PHACTR3: variants seen among roughly 807,000 people sequenced by gnomAD.
The protein encoded by PHACTR3 is protein phosphatase 1, regulatory subunit 123.
In PHACTR3, 16 loss-of-function variants were observed where a neutral mutation model predicts 66.8. The observed-to-expected ratio is 0.24, with a 90% CI of 0.16 to 0.36. The LOEUF is 0.36. Among genes scored for constraint, PHACTR3 ranks in the 10% least tolerant of loss-of-function variants. PHACTR3 has a pLI of 1.00. For synonymous variants in PHACTR3, 323 were observed against 292.1 expected, an observed-to-expected ratio of 1.11 and a Z score of -1.08; for missense variants, 647 against 719.9, an observed-to-expected ratio of 0.90 and a Z score of 1.16.
At chr20:59,704,686 C>G (rs574014587) in intron 1 of PHACTR3, among the ~76,000 whole-genome samples, 1 of 146,880 alleles carries the variant, frequency 6.8e-6, no homozygotes, top group South Asian at 2.1e-4. Context: ...TCTGCCATGT[C>G]TTCATGTTAA....
chr20:59,663,866 C>T lies in PHACTR3; in HGVS notation c.118+58734C>T, dbSNP rs537125199. Among the ~76,000 whole-genome samples, 439 of 152,312 alleles carry T rather than the reference C, an allele frequency of 2.9e-3. 3 individuals carry two copies. The highest frequency in any genetic ancestry group is 0.027 in the Middle Eastern group (8 of 294). ...TGGTTGCACGTGCTTGGCAAAGAAC[C>T]AGTCTGTTTAGCTTGCTTGTTTATT... On this transcript the variant is annotated intron_variant, in intron 1 of 12. Transcript: ENST00000371015.
At chr20:59,793,619 G>GTT (rs2041166268) in intron 7 of PHACTR3, among the ~76,000 whole-genome samples, 1 of 152,116 alleles carries the variant, frequency 6.6e-6, no homozygotes, top group African/African-American at 2.4e-5. Flanking sequence ...ATTTTTGTAT[G>GTT]TTGATTTTTG....
chr20:59,609,569 C>G (rs973059998), intron 1 of PHACTR3, among the ~76,000 whole-genome samples: 9 of 151,530 alleles, frequency 5.9e-5, no homozygotes, highest in South Asian at 2.1e-4. Context: ...TTCCTCTTAC[C>G]GGTTTTCCTG....
Position 59,806,096 on chromosome 20 carries a change from G to A in PHACTR3, c.1230G>A (p.Arg410=), listed in dbSNP as rs138663378. ...TCCTGGCCGTGAAGCTAAGGAACCG[G>A]CCAAGCAAACAGGAACTAGAAGACC... is the stretch of plus-strand genomic sequence containing the variant. The part of the protein sequence containing the change: ...KELLAVKLRN[R]PSKQELEDRN... Residue 410 remains arginine, a synonymous_variant, in exon 8 of 13, where the codon CGG becomes CGA. Coordinates refer to ENST00000371015, the MANE Select transcript of PHACTR3 (RefSeq NM_080672.5). The A allele has an allele frequency of 2.5e-6, 4 of 1,614,234 alleles. No homozygotes were observed. Among genetic ancestry groups the A allele is most frequent in the Non-Finnish European group, 3.4e-6 (4 of 1,180,034 alleles).
intron 1 of PHACTR3, among the ~76,000 whole-genome samples, chr20:59,618,918 G>A (rs2034133393): frequency 6.6e-6 from 1 of 152,194 alleles, no homozygotes. Flanking sequence ...AGATTGCCTG[G>A]GGTGCCCTAG....
At chr20:59,801,331 C>CT (rs2041408586) in intron 7 of PHACTR3, among the ~76,000 whole-genome samples, 1 of 152,348 alleles carries the variant, frequency 6.6e-6, no homozygotes, top group South Asian at 2.1e-4. Context: ...TCTTCTGTTG[C>CT]TGATTTCTAG....
intron 1 of PHACTR3, among the ~76,000 whole-genome samples, chr20:59,634,662 C>G (rs1320663453): frequency 2.0e-5 from 3 of 152,178 alleles, no homozygotes; most frequent in African/African-American, 7.2e-5. Context: ...TGCTCCCTGC[C>G]CTCAAGGCAG....
chr20:59,633,202 G>A (rs1013353670), intron 1 of PHACTR3, among the ~76,000 whole-genome samples: 5 of 152,300 alleles, frequency 3.3e-5, no homozygotes, highest in Admixed American at 6.5e-5. Flanking sequence ...ATATGCATAC[G>A]TGTGTTTATT....
At chr20:59,740,333 G>A (rs1013522760) in intron 1 of PHACTR3, among the ~76,000 whole-genome samples, 2 of 151,898 alleles carry the variant, frequency 1.3e-5, no homozygotes, top group Non-Finnish European at 2.9e-5. Flanking sequence ...TTAGAGACAG[G>A]GTCTCTCTCT....
At chr20:59,645,117 A>G (rs940017316) in intron 1 of PHACTR3, among the ~76,000 whole-genome samples, 1 of 150,670 alleles carries the variant, frequency 6.6e-6, no homozygotes, top group Non-Finnish European at 1.5e-5. Flanking sequence ...AATAGGCAGT[A>G]TTTGGTTTTC....
chr20:59,789,266 C>T (rs1487238443), intron 7 of PHACTR3, among the ~76,000 whole-genome samples: 1 of 152,020 alleles, frequency 6.6e-6, no homozygotes, highest in Non-Finnish European at 1.5e-5. Flanking sequence ...GGAGTCTGGG[C>T]TACTGAAACA....
chr20:59,603,102 TG>T (rs2033527405), upstream of PHACTR3, among the ~76,000 whole-genome samples: 1 of 152,240 alleles, frequency 6.6e-6, no homozygotes, highest in South Asian at 2.1e-4. Flanking sequence ...CATTTTTATG[TG>T]GATAAAACGT....
intron 7 of PHACTR3, among the ~76,000 whole-genome samples, chr20:59,800,643 T>C (rs1202625136): frequency 2.0e-5 from 3 of 152,208 alleles, no homozygotes; most frequent in Non-Finnish European, 4.4e-5. Context: ...CAGTTTTCTT[T>C]ATGTTTCATG....
rs555014538 is a variant in PHACTR3, at chr20:59,824,010, G to A, written c.1329-12495G>A. ...AACAGGGAGGCCACGAAGTCAGCAC[G>A]GGATGCCCAGCATGGCTGGAGCCAC... is the stretch of plus-strand genomic sequence containing the variant. On this transcript the variant is annotated intron_variant, in intron 8 of 12. Transcript: ENST00000371015. Among the ~76,000 whole-genome samples, 6 of 152,330 alleles carry A rather than the reference G, an allele frequency of 3.9e-5. No individual in the cohort carries two copies. The East Asian group carries it at 7.7e-4, about 20-fold the overall frequency.
chr20:59,659,370 C>CTTTTTT lies in PHACTR3; in HGVS notation c.118+54256_118+54261dup, dbSNP rs757895372. Among the ~76,000 whole-genome samples the CTTTTTT allele has an allele frequency of 2.6e-4, 24 of 92,762 alleles. 1 individual carries two copies. The highest frequency in any genetic ancestry group is 7.6e-4 in the East Asian group (2 of 2,630). 60.9% of individuals were successfully genotyped at this position (92,762 alleles called of 152,430 possible). On this transcript the variant is annotated intron_variant, in intron 1 of 12. Coordinates refer to ENST00000371015, the MANE Select transcript of PHACTR3 (RefSeq NM_080672.5). ...ACCTGTAGATCAGCTGGGTCTGGGACTTTTTTTTTTTTTTTTTTTTTTTGA... is the reference window on the plus strand; with the variant it reads ...ACCTGTAGATCAGCTGGGTCTGGGACTTTTTTTTTTTTTTTTTTTTTTTTTTTTTGA...
rs1601065912 is a variant in PHACTR3 at position 59,674,147 on chromosome 20, C to CCTTCTCCT, written c.119-68960_119-68959insCTTCTCCT. 1.5e-4 allele frequency among the ~76,000 whole-genome samples: 22 copies of CCTTCTCCT among 151,510 alleles called. 1 individual carries two copies. Among genetic ancestry groups the CCTTCTCCT allele is most frequent in the African/African-American group, 4.6e-4 (19 of 40,950 alleles). ...CCTGGGCTGGTTCCCTCCCACCTCC[C>CCTTCTCCT]GCTTAAAGGTGTCATTAGCAAGGGC... On this transcript the variant is annotated intron_variant, in intron 1 of 12. Transcript: ENST00000371015.
At chr20:59,623,621 T>C (rs576020983) in intron 1 of PHACTR3, among the ~76,000 whole-genome samples, 1 of 152,302 alleles carries the variant, frequency 6.6e-6, no homozygotes, top group South Asian at 2.1e-4. Context: ...CTCTTAAAAC[T>C]GCATCTGTGG....
intron 1 of PHACTR3, among the ~76,000 whole-genome samples, chr20:59,581,183 C>A (rs992687294): frequency 1.1e-4 from 16 of 152,248 alleles, no homozygotes; most frequent in Admixed American, 5.2e-4. Context: ...GCCCACCTGA[C>A]CTGCAAAACC....
At chr20:59,702,081 G>A (rs752496476) in intron 1 of PHACTR3, among the ~76,000 whole-genome samples, 9 of 152,304 alleles carry the variant, frequency 5.9e-5, no homozygotes, top group Admixed American at 2.6e-4. Context: ...TTGTCGGGAT[G>A]TACCCCAATT....
Sources: allele counts gnomAD v4.1 joint callset (sites outside exome capture counted in the v4.1 genomes callset), GRCh38; gene constraint gnomAD v4.1.1; transcripts MANE v1.5; gene names NCBI Gene and HGNC (gene_info 2026-07-23, HGNC 2026-07-21).